The following FIRRM variants were observed in gnomAD, a reference collection of about 807,000 sequenced individuals.
The protein encoded by FIRRM is FIGNL1 interacting regulator of recombination and mitosis, also known as FIGNL1-interacting regulator of recombination and mitosis.
chr1:169,819,720 C>T, the FIRRM span, among the ~76,000 whole-genome samples: 23 of 152,228 alleles, frequency 1.5e-4, no homozygotes, highest in African/African-American at 4.8e-4. Context: ...TTAGCCATGC[C>T]AAAGTGCGGA....
At chr1:169,795,126 A>G in the FIRRM span, 68 of 1,536,074 alleles carry the variant, frequency 4.4e-5, no homozygotes, top group Middle Eastern at 5.0e-4. Context: ...GTGCGGTCCC[A>G]GCTAGCGCGG....
At chr1:169,823,753 G>A in the FIRRM span, among the ~76,000 whole-genome samples, 518 of 92,046 alleles carry the variant, frequency 5.6e-3, 4 homozygotes, top group Non-Finnish European at 0.011. Context: ...ACAAATATAC[G>A]TATACCTTTA....
the FIRRM span, among the ~76,000 whole-genome samples, chr1:169,813,320 T>TA: frequency 6.6e-6 from 1 of 152,216 alleles, no homozygotes; most frequent in African/African-American, 2.4e-5. Context: ...GATCATATAG[T>TA]AGTTGTAGTA....
chr1:169,792,896 G>A, the FIRRM span: 1 of 1,614,038 alleles, frequency 6.2e-7, no homozygotes, highest in Non-Finnish European at 8.5e-7. Context: ...CCACTCACCA[G>A]AAAAAAATCG....
chr1:169,847,314 A>T, the FIRRM span, among the ~76,000 whole-genome samples: 52 of 13,460 alleles, frequency 3.9e-3, no homozygotes, highest in African/African-American at 0.016. Context: ...TTATATTTCT[A>T]AAAAAAAAAA....
the FIRRM span, among the ~76,000 whole-genome samples, chr1:169,808,748 G>A: frequency 2.0e-5 from 3 of 151,966 alleles, no homozygotes; most frequent in African/African-American, 7.3e-5. Context: ...GGGATTATAG[G>A]CGCCTGCCAC....
At chr1:169,789,448 G>A in the FIRRM span, among the ~76,000 whole-genome samples, 1 of 152,202 alleles carries the variant, frequency 6.6e-6, no homozygotes, top group Non-Finnish European at 1.5e-5. Context: ...AACTCAGTCA[G>A]CACAGAGACA....
At chr1:169,839,942 T>G in the FIRRM span, among the ~76,000 whole-genome samples, 1 of 152,342 alleles carries the variant, frequency 6.6e-6, no homozygotes, top group Non-Finnish European at 1.5e-5. Context: ...CTTCTGCATG[T>G]AGGCTAGCTA....
the FIRRM span, among the ~76,000 whole-genome samples, chr1:169,787,247 C>T: frequency 6.6e-6 from 1 of 152,150 alleles, no homozygotes; most frequent in Non-Finnish European, 1.5e-5. Context: ...CCCTAATTTC[C>T]GGTTCAAACT....
the FIRRM span, among the ~76,000 whole-genome samples, chr1:169,830,044 C>A: frequency 2.0e-5 from 3 of 152,084 alleles, no homozygotes; most frequent in Non-Finnish European, 2.9e-5. Flanking sequence ...TTGAACTCTC[C>A]ATAGCACAGC....
the FIRRM span, chr1:169,792,479 C>T: frequency 8.8e-7 from 1 of 1,137,648 alleles, no homozygotes; most frequent in Non-Finnish European, 1.2e-6. Context: ...AAACAAACAA[C>T]ATCAAAATTT....
the FIRRM span, chr1:169,849,874 C>G: frequency 4.1e-6 from 2 of 487,050 alleles, no homozygotes; most frequent in Non-Finnish European, 7.3e-6. Flanking sequence ...ACACAGTCTT[C>G]CAGCAGATAG....
the FIRRM span, chr1:169,793,601 T>G: frequency 2.5e-6 from 4 of 1,614,182 alleles, no homozygotes; most frequent in Non-Finnish European, 3.4e-6. Flanking sequence ...GACTGACAGC[T>G]CTTTTGAGGA....
At chr1:169,800,917 T>C in the FIRRM span, 1 of 1,594,834 alleles carries the variant, frequency 6.3e-7, no homozygotes, top group Admixed American at 1.7e-5. Flanking sequence ...TGTTTTTACC[T>C]CATATGAACC....
chr1:169,800,809 C>CA, the FIRRM span: 1 of 582,442 alleles, frequency 1.7e-6, no homozygotes, highest in Non-Finnish European at 3.0e-6. Context: ...AGTATTCTTG[C>CA]ATTTAATAAA....
the FIRRM span, among the ~76,000 whole-genome samples, chr1:169,835,138 G>T: frequency 6.6e-6 from 1 of 152,058 alleles, no homozygotes; most frequent in Non-Finnish European, 1.5e-5. Context: ...ATACAAGATG[G>T]TGTCTTTTTA....
chr1:169,798,558 C>G, the FIRRM span, among the ~76,000 whole-genome samples: 118 of 152,122 alleles, frequency 7.8e-4, no homozygotes, highest in Non-Finnish European at 1.4e-3. Context: ...TGAGCCACCC[C>G]ACTTGGCCCC....
chr1:169,833,763 A>G, the FIRRM span, among the ~76,000 whole-genome samples: 1 of 151,116 alleles, frequency 6.6e-6, no homozygotes, highest in South Asian at 2.1e-4. Context: ...TTACAAAAGA[A>G]TTTTCTACTC....
At chr1:169,831,261 CTTAACA>C in the FIRRM span, among the ~76,000 whole-genome samples, 31 of 152,030 alleles carry the variant, frequency 2.0e-4, no homozygotes, top group African/African-American at 2.9e-4. Context: ...ATTTCATCAT[CTTAACA>C]TTAACATTTT....
Sources: gnomAD v4.1 joint callset for allele counts (sites outside exome capture counted in the v4.1 genomes callset) on GRCh38, gnomAD v4.1.1 for gene constraint, MANE v1.5 for transcripts, NCBI Gene and HGNC (gene_info 2026-07-23, HGNC 2026-07-21) for gene names.